Variants in LRCH3 observed in about 807,000 individuals in gnomAD.
LRCH3 encodes leucine rich repeats and calponin homology domain containing 3.
In LRCH3, 68 loss-of-function variants were observed where a neutral mutation model predicts 104.5. The ratio of observed to expected loss-of-function variants is 0.65; its 90% confidence interval spans 0.54 to 0.80. The LOEUF (loss-of-function observed/expected upper bound fraction) is 0.80. Among genes scored for constraint, LRCH3 ranks in the 30% least tolerant of loss-of-function variants. The pLI, the probability that LRCH3 is intolerant of heterozygous loss-of-function variation, is 0.00. For synonymous variants in LRCH3, 344 were observed against 361.3 expected (o/e 0.95, Z 0.54); for missense variants, 951 against 953.9 (o/e 1.00, Z 0.04).
At chr3:197,836,421 CAGAT>C (rs111603163) in intron 9 of LRCH3, among the ~76,000 whole-genome samples, 3,436 of 152,266 alleles carry the variant, frequency 0.023, 66 homozygotes, top group African/African-American at 0.051. Context: ...CCAAGGGTCT[CAGAT>C]AGAATAGCAT....
In LRCH3 at chr3:197,883,060, G is replaced by C; in HGVS notation, c.2209-481G>C. 1 of 985,900 alleles carries C rather than the reference G, an allele frequency of 1.0e-6. No homozygotes were observed. Among genetic ancestry groups the C allele is most frequent in the Non-Finnish European group, 1.2e-6 (1 of 830,300 alleles). 61.1% of individuals were successfully genotyped at this position (985,900 alleles called of 1,614,324 possible). A position where few individuals can be genotyped will look rare whatever the true frequency, so the allele number is the denominator to read the frequency against. ...TCAGGATTATAATGCAGATAGCGTAGAACTCATGCAGGCTGAGTTATGTTT... is the reference window on the plus strand; with the variant it reads ...TCAGGATTATAATGCAGATAGCGTACAACTCATGCAGGCTGAGTTATGTTT... On this transcript the variant is annotated intron_variant, in intron 20 of 20. Transcript: ENST00000425562. This position sits in a 1 kb window ranked among gnomAD's most constrained non-coding sequence, Gnocchi z 4.2.
chr3:197,864,749 C>T (rs758723653), intron 15 of LRCH3, among the ~76,000 whole-genome samples: 5 of 142,364 alleles, frequency 3.5e-5, no homozygotes, highest in East Asian at 4.1e-4. Flanking sequence ...AGGCCAGGCA[C>T]GGTAACTCAT....
intron 1 of LRCH3, among the ~76,000 whole-genome samples, chr3:197,808,691 C>T (rs1465671809): frequency 2.0e-5 from 3 of 152,144 alleles, no homozygotes. Flanking sequence ...ATGAGCAGAT[C>T]ACTTGAGCCC....
chr3:197,851,983 G>A (rs531189291), intron 12 of LRCH3, among the ~76,000 whole-genome samples: 1 of 152,132 alleles, frequency 6.6e-6, no homozygotes, highest in Non-Finnish European at 1.5e-5. Context: ...CTCTCTTCTC[G>A]ATTTTCTCAT....
chr3:197,807,262 G>GTGCAGTGTCGCA (rs1732603676), intron 1 of LRCH3, among the ~76,000 whole-genome samples: 1 of 150,780 alleles, frequency 6.6e-6, no homozygotes, highest in Non-Finnish European at 1.5e-5. Context: ...TGTCGCCCAG[G>GTGCAGTGTCGCA]CTGGAGTGCA....
At chr3:197,825,714 C>G (rs974922119) in intron 4 of LRCH3, among the ~76,000 whole-genome samples, 25 of 151,790 alleles carry the variant, frequency 1.6e-4, no homozygotes, top group African/African-American at 6.1e-4. Flanking sequence ...CTCCTGACCT[C>G]GTGATCCGCC....
At chr3:197,843,305 TAAAG>T (rs1738094717) in intron 10 of LRCH3, among the ~76,000 whole-genome samples, 1 of 151,960 alleles carries the variant, frequency 6.6e-6, no homozygotes, top group African/African-American at 2.4e-5. Context: ...ATTTTGTAAA[TAAAG>T]AAAAACAGAG....
At chr3:197,838,931 G>A (rs965723225) in intron 9 of LRCH3, among the ~76,000 whole-genome samples, 5 of 152,162 alleles carry the variant, frequency 3.3e-5, no homozygotes, top group African/African-American at 7.2e-5. Context: ...ATATTCAAGA[G>A]AAACTGAGCA....
chr3:197,793,998 C>CT (rs1257973289), intron 1 of LRCH3, among the ~76,000 whole-genome samples: 2 of 152,200 alleles, frequency 1.3e-5, no homozygotes, highest in African/African-American at 4.8e-5. Context: ...AATATACTGC[C>CT]TTGTTAAATG....
In LRCH3 at chr3:197,883,521, T is replaced by C. The variant is rs1029017337; in HGVS notation, c.2209-20T>C. On this transcript the variant is annotated intron_variant, in intron 20 of 20. Coordinates refer to ENST00000425562, the MANE Select transcript of LRCH3 (RefSeq NM_001365715.1). This position sits in a 1 kb window ranked among gnomAD's most constrained non-coding sequence, Gnocchi z 4.2. Reference sequence around the variant, plus strand: ...CGATTTTCTTTTTTGTTTGTTTTCATGTTACGTTGTCCCTTTCAGGAGCAA... The same window carrying C: ...CGATTTTCTTTTTTGTTTGTTTTCACGTTACGTTGTCCCTTTCAGGAGCAA... 44 of 1,529,686 alleles carry C rather than the reference T, an allele frequency of 2.9e-5. No individual in the cohort carries two copies. Among genetic ancestry groups the C allele is most frequent in the Non-Finnish European group, 3.8e-5 (44 of 1,144,224 alleles). The allele number at this position is 1,529,686 out of a possible 1,614,324, so 94.8% of individuals were successfully genotyped here.
chr3:197,838,199 TGCTTGAGCCCGGCAGTTTGAGGCCG>T (rs1462766075), intron 9 of LRCH3, among the ~76,000 whole-genome samples: 2 of 152,252 alleles, frequency 1.3e-5, no homozygotes, highest in African/African-American at 4.8e-5. Context: ...GTAGGAAGAC[TGCTTGAGCCCGGCAGTTTGAGGCCG>T]GCCTGGGCCA....
chr3:197,868,472 A>G (rs2109506969), intron 17 of LRCH3, among the ~76,000 whole-genome samples: 1 of 152,336 alleles, frequency 6.6e-6, no homozygotes, highest in Admixed American at 6.5e-5. Flanking sequence ...CTGGATACTG[A>G]CGGATGACTG....
chr3:197,813,384 T>G (rs1733418834), intron 1 of LRCH3, among the ~76,000 whole-genome samples: 1 of 152,192 alleles, frequency 6.6e-6, no homozygotes. Flanking sequence ...TGGTTTGTCA[T>G]CATATTCCTT....
At chr3:197,846,544 T>TA (rs74615885) in intron 10 of LRCH3, among the ~76,000 whole-genome samples, 4,852 of 135,668 alleles carry the variant, frequency 0.036, 277 homozygotes, top group African/African-American at 0.12. Context: ...ACAGAAAAAT[T>TA]AAAAAAAAAA....
chr3:197,851,968 A>G (rs188137185), intron 12 of LRCH3, among the ~76,000 whole-genome samples: 83 of 152,338 alleles, frequency 5.4e-4, no homozygotes, highest in African/African-American at 1.8e-3. Flanking sequence ...CACGTGCCGC[A>G]TAACCTCTCT....
At chr3:197,802,683 A>C (rs566071240) in intron 1 of LRCH3, among the ~76,000 whole-genome samples, 1 of 152,136 alleles carries the variant, frequency 6.6e-6, no homozygotes, top group Non-Finnish European at 1.5e-5. Flanking sequence ...TAATCTGTTC[A>C]GATTTTCTGT....
rs969199166 is a variant in LRCH3 at position 197,885,956 on chromosome 3, A to T, written c.*2290A>T. 6.6e-6 allele frequency: 1 copy of T among 152,222 alleles called. No homozygotes were observed. The highest frequency in any genetic ancestry group is 1.5e-5 in the Non-Finnish European group (1 of 68,042). The allele number at this position is 152,222 out of a possible 1,614,324, so 9.4% of individuals were successfully genotyped here. ...TCTAAAAGTAGCTTTGGATCAAATC[A>T]TGTTGAATACCTGGTCAAAGTAATG... On this transcript the variant is annotated 3_prime_UTR_variant, in exon 21 of 21. Coordinates refer to ENST00000425562, the MANE Select transcript of LRCH3 (RefSeq NM_001365715.1).
intron 9 of LRCH3, among the ~76,000 whole-genome samples, chr3:197,837,046 A>G (rs1020189409): frequency 1.3e-5 from 2 of 152,014 alleles, no homozygotes; most frequent in African/African-American, 4.8e-5. Flanking sequence ...TGAACACCGT[A>G]TTTTTTGTTG....
rs1413075893 is a variant in LRCH3, at chr3:197,852,628, GA to G, written c.1590+9del. The G allele has an allele frequency of 1.9e-6, 3 of 1,613,090 alleles. No individual in the cohort carries two copies. The highest frequency in any genetic ancestry group is 2.5e-6 in the Non-Finnish European group (3 of 1,179,230). ...GATGGCGTAGATGGTGAGGTAAGTTGATGTAATCTCCTTTTCTTTGGAGTTG... is the reference window on the plus strand; with the variant it reads ...GATGGCGTAGATGGTGAGGTAAGTTGTGTAATCTCCTTTTCTTTGGAGTTG... On this transcript the variant is annotated intron_variant, in intron 13 of 20. Transcript: ENST00000425562.
Sources: gnomAD v4.1 joint callset for allele counts (sites outside exome capture counted in the v4.1 genomes callset) on GRCh38, gnomAD v4.1.1 for gene constraint, Gnocchi (gnomAD v3.1) non-coding constraint, MANE v1.5 for transcripts, NCBI Gene and HGNC (gene_info 2026-07-23, HGNC 2026-07-21) for gene names.